PPP1R12B: variants seen among roughly 807,000 people sequenced by gnomAD.
The protein encoded by PPP1R12B is myosin phosphatase target subunit 2.
Under a neutral mutation model 126.1 loss-of-function variants are expected in PPP1R12B, and 76 were observed. The observed-to-expected ratio is 0.60, with a 90% CI of 0.50 to 0.73. The LOEUF is 0.73. Ranked by LOEUF, PPP1R12B falls within the 30% of genes least tolerant of loss-of-function variation. The probability of loss-of-function intolerance (pLI) is 0.00; values close to 1 mark genes in which losing one functional copy is unlikely to be tolerated. For missense variants in PPP1R12B, 1,052 were observed against 1,205.1 expected (o/e 0.87, Z 1.88); for synonymous variants, 356 against 434.7 (o/e 0.82, Z 2.25).
In PPP1R12B at chr1:202,587,467, A is replaced by C. The variant is rs1387163292; in HGVS notation, c.*6907A>C. On this transcript the variant is annotated 3_prime_UTR_variant, in exon 24 of 24. Coordinates refer to ENST00000608999, the MANE Select transcript of PPP1R12B (RefSeq NM_002481.4). Reference sequence around the variant, plus strand: ...CCTCCATAGCCTGGCCAAGGAGACCATGAGTAGCCATGTCTGGTTTACTCT... The same window carrying C: ...CCTCCATAGCCTGGCCAAGGAGACCCTGAGTAGCCATGTCTGGTTTACTCT... 6.6e-6 allele frequency: 1 copy of C among 151,862 alleles called. No homozygotes were observed. The highest frequency in any genetic ancestry group is 1.5e-5 in the Non-Finnish European group (1 of 67,980). 9.4% of individuals were successfully genotyped at this position (151,862 alleles called of 1,614,324 possible). A position where few individuals can be genotyped will look rare whatever the true frequency, so the allele number is the denominator to read the frequency against.
At chr1:202,453,532 A>C (rs1440445919) in intron 13 of PPP1R12B, among the ~76,000 whole-genome samples, 1 of 151,768 alleles carries the variant, frequency 6.6e-6, no homozygotes, top group Admixed American at 6.6e-5. Flanking sequence ...ATTCTTCTTT[A>C]GGTGTTTGGT....
At chr1:202,574,826 C>G in intron 23 of PPP1R12B, 1 of 555,912 alleles carries the variant, frequency 1.8e-6, no homozygotes, top group South Asian at 2.8e-5. Flanking sequence ...CATCATCCTT[C>G]CACCTGCCAC....
intron 1 of PPP1R12B, among the ~76,000 whole-genome samples, chr1:202,393,913 AT>A (rs1664516463): frequency 6.6e-6 from 1 of 152,206 alleles, no homozygotes; most frequent in Non-Finnish European, 1.5e-5. Context: ...AAATAAATAA[AT>A]AAAAAACAAA....
chr1:202,467,658 A>G (rs1234337464), intron 13 of PPP1R12B, among the ~76,000 whole-genome samples: 1 of 152,106 alleles, frequency 6.6e-6, no homozygotes, highest in Non-Finnish European at 1.5e-5. Context: ...AGTCTTTGCT[A>G]TTGTGAATAG....
At chr1:202,421,889 A>C (rs1430665326) in intron 2 of PPP1R12B, among the ~76,000 whole-genome samples, 2 of 152,158 alleles carry the variant, frequency 1.3e-5, no homozygotes, top group East Asian at 3.9e-4. Context: ...TTTACCCGCT[A>C]TGTGGTTTTG....
chr1:202,545,716 G>A (rs1685583835), intron 18 of PPP1R12B, among the ~76,000 whole-genome samples: 1 of 152,176 alleles, frequency 6.6e-6, no homozygotes, highest in Non-Finnish European at 1.5e-5. Flanking sequence ...GGTTCAGGGT[G>A]TTTTAGATCA....
intron 14 of PPP1R12B, among the ~76,000 whole-genome samples, chr1:202,490,451 G>GT (rs1038480277): frequency 1.3e-4 from 20 of 152,140 alleles, no homozygotes; most frequent in African/African-American, 4.6e-4. Context: ...GACCAAGACT[G>GT]TTTTTTTGTT....
At chr1:202,377,431 C>A (rs1377152235) in intron 1 of PPP1R12B, among the ~76,000 whole-genome samples, 1 of 150,784 alleles carries the variant, frequency 6.6e-6, no homozygotes, top group African/African-American at 2.4e-5. Flanking sequence ...GCCTCCCTAG[C>A]AGCTGGGACT....
chr1:202,493,310 A>G lies in PPP1R12B; in HGVS notation c.2138A>G (p.Asp713Gly). ...CAGCAGCCCTGGGGCAGGAGTCTGG[A>G]TGAAGAGGTGAGCTCATTTTTGCTG... The part of the protein sequence containing the change: ...EGQQPWGRSL[D>G]EEPICHRLRC... Residue 713 changes from aspartate (D) to glycine (G), a missense_variant, in exon 15 of 24, where the codon GAT becomes GGT. Transcript: ENST00000608999. The G allele has an allele frequency of 6.2e-7, 1 of 1,611,922 alleles. No homozygotes were observed. The highest frequency in any genetic ancestry group is 8.5e-7 in the Non-Finnish European group (1 of 1,179,664).
At chr1:202,563,183 C>T (rs1687701676) in intron 20 of PPP1R12B, among the ~76,000 whole-genome samples, 1 of 152,210 alleles carries the variant, frequency 6.6e-6, no homozygotes, top group Non-Finnish European at 1.5e-5. Flanking sequence ...GTGGTGCAAT[C>T]ATAGGTAACT....
At chr1:202,517,267 A>T (rs1682257870) in intron 18 of PPP1R12B, among the ~76,000 whole-genome samples, 1 of 152,202 alleles carries the variant, frequency 6.6e-6, no homozygotes, top group Admixed American at 6.5e-5. Flanking sequence ...CCCACAGACA[A>T]ATATCACAAA....
chr1:202,567,114 C>A (rs1688122002), intron 21 of PPP1R12B, among the ~76,000 whole-genome samples: 2 of 152,140 alleles, frequency 1.3e-5, no homozygotes, highest in African/African-American at 4.8e-5. Flanking sequence ...CATTCTAAAT[C>A]TTTTATTCAA....
chr1:202,421,929 A>G (rs1193376093), intron 2 of PPP1R12B, among the ~76,000 whole-genome samples: 2 of 152,196 alleles, frequency 1.3e-5, no homozygotes, highest in Non-Finnish European at 2.9e-5. Flanking sequence ...ATGAACCTCA[A>G]TTTCTTAAAG....
intron 12 of PPP1R12B, among the ~76,000 whole-genome samples, chr1:202,446,256 A>ATATATATATATATATTT (rs376183502): frequency 1.8e-5 from 1 of 54,340 alleles, no homozygotes; most frequent in Non-Finnish European, 3.2e-5. Context: ...ATATATATAT[A>ATATATATATATATATTT]TTTTTTTTTT....
intron 13 of PPP1R12B, among the ~76,000 whole-genome samples, 196 bp downstream of exon 13, chr1:202,449,367 C>T (rs1672651363): frequency 6.6e-6 from 1 of 151,780 alleles, no homozygotes; most frequent in Non-Finnish European, 1.5e-5. Context: ...CCTCCTCCTC[C>T]CGGGTTCAAA....
chr1:202,443,815 C>T (rs1298182655), intron 12 of PPP1R12B, among the ~76,000 whole-genome samples: 3 of 152,134 alleles, frequency 2.0e-5, no homozygotes, highest in Non-Finnish European at 4.4e-5. Flanking sequence ...TATTCTGTGG[C>T]GAGGTTGTTG....
Position 202,564,516 on chromosome 1 carries a change from A to ATAAAAAG in PPP1R12B, c.2728_2729insAAAAGTA (p.Ile910LysfsTer8). The ATAAAAAG allele has an allele frequency of 6.2e-7, 1 of 1,612,572 alleles. No individual in the cohort carries two copies. The highest frequency in any genetic ancestry group is 8.5e-7 in the Non-Finnish European group (1 of 1,179,400). On this transcript the variant is annotated frameshift_variant, in exon 21 of 24. Transcript: ENST00000608999. LOFTEE classifies it high-confidence loss of function. Reference sequence around the variant, plus strand: ...CAGGAAGCCCAGCTAGAGCTAGCAGATATAAAGTCCAAGCTTGAGAAGGTG... The same window carrying ATAAAAAG: ...CAGGAAGCCCAGCTAGAGCTAGCAGATAAAAAGTATAAAGTCCAAGCTTGAGAAGGTG...
intron 14 of PPP1R12B, among the ~76,000 whole-genome samples, chr1:202,491,279 G>C (rs7539660): frequency 0.43 from 66,018 of 151,980 alleles, 15,694 homozygotes; most frequent in East Asian, 0.71. Flanking sequence ...TTCCCAGGTA[G>C]CTGGGATTAC....
chr1:202,540,396 A>G (rs1349419179), intron 18 of PPP1R12B, among the ~76,000 whole-genome samples: 2 of 152,214 alleles, frequency 1.3e-5, no homozygotes, highest in Non-Finnish European at 2.9e-5. Context: ...AGACCCTGTA[A>G]GTTTCTCTGC....
Sources: allele counts gnomAD v4.1 joint callset (sites outside exome capture counted in the v4.1 genomes callset), GRCh38; gene constraint gnomAD v4.1.1; transcripts MANE v1.5; gene names NCBI Gene and HGNC (gene_info 2026-07-23, HGNC 2026-07-21).